The following ATP11C variants were observed in gnomAD, a reference collection of about 807,000 sequenced individuals.
The protein encoded by ATP11C is ATPase phospholipid transporting 11C (ATP11C blood group), also known as phospholipid-transporting ATPase IG.
A neutral mutation model predicts 97.4 loss-of-function variants in ATP11C; 36 were observed. That is an observed-to-expected ratio of 0.37 (90% CI 0.28 to 0.49). ATP11C has a LOEUF of 0.49. Among genes scored for constraint, ATP11C ranks in the 20% least tolerant of loss-of-function variants. ATP11C has a pLI of 0.98. For synonymous variants in ATP11C, 275 were observed against 290.9 expected, an observed-to-expected ratio of 0.95 and a Z score of 0.56; for missense variants, 730 against 824.6, an observed-to-expected ratio of 0.89 and a Z score of 1.40.
chrX:139,888,858 G>C (rs1275256846), intron 1 of ATP11C, among the ~76,000 whole-genome samples: 6 of 109,701 alleles, frequency 5.5e-5, no homozygotes, highest in African/African-American at 2.0e-4. Flanking sequence ...GCCCAGGCTG[G>C]AGTGCAGTGG....
intron 26 of ATP11C, among the ~76,000 whole-genome samples, chrX:139,742,576 G>T (rs1603338069): frequency 9.0e-6 from 1 of 110,551 alleles, no homozygotes; most frequent in Non-Finnish European, 1.9e-5. Context: ...TCATTTAAAG[G>T]TATTTACTCA....
chrX:139,787,374 T>C (rs2082596879), intron 14 of ATP11C, 130 bp from the exon 15 acceptor site: 2 of 441,035 alleles, frequency 4.5e-6, no homozygotes, highest in Admixed American at 1.0e-4. Context: ...CTCGGCTCAC[T>C]GCAACCTTCA....
At chrX:139,896,619 GTC>G (rs202000678) in intron 1 of ATP11C, among the ~76,000 whole-genome samples, 476 of 90,535 alleles carry the variant, frequency 5.3e-3, no homozygotes, top group African/African-American at 4.5e-3. Flanking sequence ...TTGAGAAAGA[GTC>G]TCTCTCTCTC....
intron 6 of ATP11C, among the ~76,000 whole-genome samples, 155 bp from the exon 7 acceptor site, chrX:139,802,494 GTAT>G (rs1264628161): frequency 9.0e-6 from 1 of 111,710 alleles, no homozygotes; most frequent in Non-Finnish European, 1.9e-5. Context: ...AAGTTTTATG[GTAT>G]TATTATGAAA....
chrX:139,898,264 GTTA>G (rs1366936329), intron 1 of ATP11C, among the ~76,000 whole-genome samples: 1 of 111,410 alleles, frequency 9.0e-6, no homozygotes, highest in Non-Finnish European at 1.9e-5. Context: ...GTGTAGGGCT[GTTA>G]TTATCCCTTC....
chrX:139,934,301 A>T (rs936714573), upstream of ATP11C, among the ~76,000 whole-genome samples: 67 of 111,371 alleles, frequency 6.0e-4, no homozygotes, highest in African/African-American at 2.2e-3. Context: ...AATGCAGGAG[A>T]CCTAAGGTTT....
At chrX:139,867,772 G>A (rs759663078) in intron 1 of ATP11C, among the ~76,000 whole-genome samples, 3 of 111,863 alleles carry the variant, frequency 2.7e-5, no homozygotes, top group Non-Finnish European at 5.6e-5. Flanking sequence ...GTGACTGAGT[G>A]ACCCACAAGG....
At chrX:139,867,720 A>G (rs907241665) in intron 1 of ATP11C, among the ~76,000 whole-genome samples, 8 of 112,274 alleles carry the variant, frequency 7.1e-5, no homozygotes, top group African/African-American at 2.3e-4. Context: ...CTGGCAGAGC[A>G]GCTAGCATGC....
intron 1 of ATP11C, among the ~76,000 whole-genome samples, chrX:139,834,030 C>T (rs1199055804): frequency 2.7e-5 from 3 of 111,706 alleles, no homozygotes; most frequent in African/African-American, 9.8e-5. Flanking sequence ...TGGAACTAGG[C>T]AACGTCCTCA....
intron 1 of ATP11C, among the ~76,000 whole-genome samples, chrX:139,883,387 T>C (rs935470077): frequency 3.6e-5 from 4 of 110,741 alleles, no homozygotes; most frequent in African/African-American, 1.3e-4. Flanking sequence ...TCCCAAACTT[T>C]GCCTCTTGCC....
intron 2 of ATP11C, among the ~76,000 whole-genome samples, chrX:139,822,052 A>G (rs1435059565): frequency 9.0e-6 from 1 of 111,494 alleles, no homozygotes; most frequent in East Asian, 2.8e-4. Context: ...CTACAAATCA[A>G]AAACAATGTT....
chrX:139,878,058 TA>T (rs927291638), intron 1 of ATP11C, among the ~76,000 whole-genome samples: 14 of 111,175 alleles, frequency 1.3e-4, no homozygotes, highest in African/African-American at 4.2e-4. Flanking sequence ...AAATAATGGC[TA>T]AAAAAAATGG....
chrX:139,765,118 A>T (rs920960352), intron 20 of ATP11C, among the ~76,000 whole-genome samples: 9 of 111,402 alleles, frequency 8.1e-5, no homozygotes, highest in African/African-American at 2.6e-4. Flanking sequence ...AAGGATATAC[A>T]ATCATGGACC....
At chrX:139,908,107 C>T (rs1251979639) in intron 1 of ATP11C, among the ~76,000 whole-genome samples, 1 of 111,307 alleles carries the variant, frequency 9.0e-6, no homozygotes, top group Non-Finnish European at 1.9e-5. Flanking sequence ...TCCAAATGCT[C>T]CCCAGAAGTT....
chrX:139,893,664 A>G (rs1409557685), intron 1 of ATP11C, among the ~76,000 whole-genome samples: 1 of 110,036 alleles, frequency 9.1e-6, no homozygotes, highest in Non-Finnish European at 1.9e-5. Flanking sequence ...AAGGGGTTTA[A>G]GCAATGCTCT....
chrX:139,832,324 C>T (rs1434924864), intron 1 of ATP11C: 11 of 1,110,616 alleles, frequency 9.9e-6, no homozygotes, highest in Non-Finnish European at 1.3e-5. Flanking sequence ...CCAATTATGG[C>T]TTGCCTAGTT....
chrX:139,803,968 T>A (rs1225789321), intron 6 of ATP11C, among the ~76,000 whole-genome samples: 1 of 110,422 alleles, frequency 9.1e-6, no homozygotes, highest in Admixed American at 9.7e-5. Flanking sequence ...CCCAAAGTGC[T>A]AGGATTACAG....
chrX:139,834,023 A>C (rs1257111172), intron 1 of ATP11C, among the ~76,000 whole-genome samples: 1 of 111,964 alleles, frequency 8.9e-6, no homozygotes, highest in Non-Finnish European at 1.9e-5. Context: ...GCCAGCATGG[A>C]ACTAGGCAAC....
chrX:139,910,258 A>T (rs2085052152), intron 1 of ATP11C, among the ~76,000 whole-genome samples: 1 of 111,184 alleles, frequency 9.0e-6, no homozygotes, highest in African/African-American at 3.3e-5. Context: ...ATTAGATCCC[A>T]AAGATTCTTG....
Sources: gnomAD v4.1 joint callset for allele counts (sites outside exome capture counted in the v4.1 genomes callset) on GRCh38, gnomAD v4.1.1 for gene constraint, MANE v1.5 for transcripts, NCBI Gene and HGNC (gene_info 2026-07-23, HGNC 2026-07-21) for gene names.